Variants in APOBEC3G observed in about 807,000 individuals in gnomAD.
APOBEC3G encodes DNA dC->dU-editing enzyme APOBEC-3G.
In APOBEC3G, 44 loss-of-function variants were observed where a neutral mutation model predicts 50.0. The ratio of observed to expected loss-of-function variants is 0.88; its 90% CI spans 0.69 to 1.13. APOBEC3G has a LOEUF of 1.13. APOBEC3G is among the 50% of genes most tolerant of loss of function. The pLI, the probability that APOBEC3G is intolerant of heterozygous loss-of-function variation, is 0.00. For missense variants in APOBEC3G, 469 were observed against 492.0 expected, an observed-to-expected ratio of 0.95 and a Z score of 0.44; for synonymous variants, 156 against 175.3, an observed-to-expected ratio of 0.89 and a Z score of 0.87.
At chr22:39,080,119 C>T (rs1180403440) in intron 2 of APOBEC3G, 1 of 245,240 alleles carries the variant, frequency 4.1e-6, no homozygotes, top group Non-Finnish European at 7.3e-6. Flanking sequence ...TTCAAGTACT[C>T]AGTAGTCCCT....
upstream of APOBEC3G, chr22:39,077,245 C>T (rs1928191169): frequency 2.6e-6 from 4 of 1,537,856 alleles, no homozygotes; most frequent in Admixed American, 5.9e-5. Flanking sequence ...GGGGCCATGA[C>T]TACGAGGCCC....
At chr22:39,086,778 G>T (rs1286829627) in intron 6 of APOBEC3G, among the ~76,000 whole-genome samples, 1 of 152,138 alleles carries the variant, frequency 6.6e-6, no homozygotes, top group African/African-American at 2.4e-5. Context: ...GGGCGGGGAG[G>T]GTGGCTGGAA....
chr22:39,079,026 G>T lies in APOBEC3G; in HGVS notation c.112G>T (p.Glu38Ter). 1.2e-6 allele frequency: 2 copies of T among 1,614,188 alleles called. No homozygotes were observed. The highest frequency in any genetic ancestry group is 1.7e-6 in the Non-Finnish European group (2 of 1,180,026). Residue 38 changes from glutamate (E) to a stop codon, truncating the protein, a stop_gained, in exon 2 of 8, where the codon GAA becomes TAA. Coordinates refer to ENST00000407997, the MANE Select transcript of APOBEC3G (RefSeq NM_021822.4). LOFTEE classifies it high-confidence loss of function. ...SRRNTVWLCY[E>*]VKTKGPSRPP... is the part of the protein sequence containing the mutation. ...TCGGAATACCGTCTGGCTGTGCTAC[G>T]AAGTGAAAACAAAGGGTCCCTCAAG...
At chr22:39,081,868 C>T (rs1466293484) in intron 4 of APOBEC3G, 2 of 384,856 alleles carry the variant, frequency 5.2e-6, no homozygotes, top group Admixed American at 8.6e-5. Flanking sequence ...GAGCCCCAAC[C>T]TGGCCCCTTC....
chr22:39,079,900 C>G (rs1485755418), intron 2 of APOBEC3G: 1 of 151,946 alleles, frequency 6.6e-6, no homozygotes, highest in Non-Finnish European at 1.5e-5. Context: ...AAAAATTAGC[C>G]AGGCATGGTG....
chr22:39,077,488 C>T, intron 1 of APOBEC3G, 110 bp downstream of exon 1: 2 of 1,529,498 alleles, frequency 1.3e-6, no homozygotes, highest in South Asian at 1.2e-5. Context: ...GCCCTGGGCT[C>T]CCTCCCCTCT....
intron 1 of APOBEC3G, among the ~76,000 whole-genome samples, chr22:39,077,607 C>T (rs556990925): frequency 6.6e-6 from 1 of 152,256 alleles, no homozygotes; most frequent in East Asian, 1.9e-4. Context: ...GCCCAGGTCC[C>T]CTGCTGAGAC....
intron 4 of APOBEC3G, 62 bp downstream of exon 4, chr22:39,081,647 G>T: frequency 7.3e-7 from 1 of 1,377,896 alleles, no homozygotes; most frequent in East Asian, 2.3e-5. Context: ...TCCTCTTGAG[G>T]CCTCCCCTCT....
chr22:39,077,336 T>A lies in APOBEC3G; in HGVS notation c.-26T>A. The A allele has an allele frequency of 6.4e-7, 1 of 1,570,070 alleles. No homozygotes were observed. ...GAAACCCTGGTGCTCCAGACAAAGA[T>A]CTTAGTCGGGACTAGCCGGCCAAGG... On this transcript the variant is annotated 5_prime_UTR_variant, in exon 1 of 8. Transcript: ENST00000407997.
At chr22:39,079,396 C>CA (rs994764319) in intron 2 of APOBEC3G, 3 of 260,642 alleles carry the variant, frequency 1.2e-5, no homozygotes, top group African/African-American at 6.8e-5. Context: ...CGGCTCACAG[C>CA]AACCTCTGCC....
Position 39,081,135 on chromosome 22 carries a change from ACTT to A in APOBEC3G, c.377_379del (p.Phe126del), listed in dbSNP as rs754084561. On this transcript the variant is annotated inframe_deletion, in exon 3 of 8. Coordinates refer to ENST00000407997, the MANE Select transcript of APOBEC3G (RefSeq NM_021822.4). ...ACCATCTTTGTTGCCCGCCTCTACT[ACTT>A]CTGGGACCCAGATTACCAGGAGGCG... is the stretch of plus-strand genomic sequence containing the variant. 6.2e-7 allele frequency: 1 copy of A among 1,614,182 alleles called. No individual in the cohort carries two copies. The highest frequency in any genetic ancestry group is 1.1e-5 in the South Asian group (1 of 91,086).
chr22:39,081,060 G>A lies in APOBEC3G; in HGVS notation c.299G>A (p.Cys100Tyr). 6.2e-7 allele frequency: 1 copy of A among 1,614,200 alleles called. No homozygotes were observed. Among genetic ancestry groups the A allele is most frequent in the Non-Finnish European group, 8.5e-7 (1 of 1,180,040 alleles). ...ATATCCTGGAGCCCCTGCACAAAGT[G>A]TACAAGGGATATGGCCACGTTCCTG... The part of the protein sequence containing the change: ...WYISWSPCTK[C>Y]TRDMATFLAE... The change falls in exon 3 of 8, where the codon TGT becomes TAT. Residue 100 changes from cysteine to tyrosine, a missense_variant. Coordinates refer to ENST00000407997, the MANE Select transcript of APOBEC3G (RefSeq NM_021822.4).
At position 39,077,301 on chromosome 22, in the gene APOBEC3G, A is replaced by C; in HGVS notation, c.-61A>C. ...GGCTGTCCTAAAACCAGAAGCTTGG[A>C]GCAGAAAGTGAAACCCTGGTGCTCC... On this transcript the variant is annotated 5_prime_UTR_variant, in exon 1 of 8. Transcript: ENST00000407997. The C allele has an allele frequency of 1.3e-6, 2 of 1,554,636 alleles. No individual in the cohort carries two copies. The highest frequency in any genetic ancestry group is 2.0e-5 in the Admixed American group (1 of 51,110).
chr22:39,077,464 C>T, intron 1 of APOBEC3G, 86 bp downstream of exon 1: 1 of 1,550,178 alleles, frequency 6.5e-7, no homozygotes, highest in Non-Finnish European at 8.7e-7. Context: ...TGGCCTTCCC[C>T]TGCCCCAGCC....
At chr22:39,085,007 G>T (rs34146529) in intron 5 of APOBEC3G, among the ~76,000 whole-genome samples, 4,791 of 152,240 alleles carry the variant, frequency 0.031, 123 homozygotes, top group Middle Eastern at 0.11. Flanking sequence ...CAAAGGCACC[G>T]GTCCCCATCA....
chr22:39,086,875 T>C, intron 6 of APOBEC3G, 136 bp from the exon 7 acceptor site: 1 of 1,109,068 alleles, frequency 9.0e-7, no homozygotes, highest in Non-Finnish European at 1.3e-6. Context: ...ATGAAGGAGC[T>C]AAGTCCCTAG....
intron 7 of APOBEC3G, 96 bp downstream of exon 7, chr22:39,087,222 G>A (rs1928737173): frequency 6.2e-7 from 1 of 1,604,918 alleles, no homozygotes; most frequent in Non-Finnish European, 8.5e-7. Flanking sequence ...AGCCTCCTCT[G>A]GGTTCCCTGC....
intron 2 of APOBEC3G, 72 bp from the exon 3 acceptor site, chr22:39,080,861 T>TA: frequency 1.6e-6 from 1 of 614,316 alleles, no homozygotes; most frequent in East Asian, 4.0e-5. Flanking sequence ...TGGCCCCTCC[T>TA]CCCCCTGCCC....
chr22:39,078,719 TC>T, intron 1 of APOBEC3G: 9 of 592,722 alleles, frequency 1.5e-5, no homozygotes, highest in South Asian at 2.7e-5. Flanking sequence ...TCTCTCTCTC[TC>T]TTTTTTTTTG....
Sources: gnomAD v4.1 joint callset for allele counts (sites outside exome capture counted in the v4.1 genomes callset) on GRCh38, gnomAD v4.1.1 for gene constraint, MANE v1.5 for transcripts, NCBI Gene and HGNC (gene_info 2026-07-23, HGNC 2026-07-21) for gene names.